ODF1: variants seen among roughly 807,000 people sequenced by gnomAD.
ODF1 encodes the protein outer dense fiber protein 1.
In ODF1, 10 loss-of-function variants were observed where a neutral mutation model predicts 24.0. The observed-to-expected ratio is 0.42, with a 90% confidence interval of 0.26 to 0.71. ODF1 has a LOEUF of 0.71. ODF1 is among the 30% of genes least tolerant of loss of function. The pLI is 0.28. For missense variants in ODF1, 282 were observed against 307.9 expected (o/e 0.92, Z 0.63); for synonymous variants, 118 against 121.3 (o/e 0.97, Z 0.18).
Position 102,560,971 on chromosome 8 carries a change from C to T in ODF1, c.*87C>T, listed in dbSNP as rs1826178328. 1 of 1,250,512 alleles carries T rather than the reference C, an allele frequency of 8.0e-7. No individual in the cohort carries two copies. Among genetic ancestry groups the T allele is most frequent in the Non-Finnish European group, 1.1e-6 (1 of 896,136 alleles). 77.5% of individuals were successfully genotyped at this position (1,250,512 alleles called of 1,614,324 possible). A position where few individuals can be genotyped will look rare whatever the true frequency, so the allele number is the denominator to read the frequency against. On this transcript the variant is annotated 3_prime_UTR_variant, in exon 2 of 2. Transcript: ENST00000285402. The stretch of plus-strand genomic sequence containing the variant: ...ATGTTTCTCCTCTCCTTCCCATGGC[C>T]CCTGTTGTTGAAGTACGTAGGAAAC...
chr8:102,553,822 G>A (rs1477082431), intron 1 of ODF1, among the ~76,000 whole-genome samples: 1 of 152,208 alleles, frequency 6.6e-6, no homozygotes, highest in African/African-American at 2.4e-5. Flanking sequence ...GTGTAGTTTA[G>A]GCAAGAGGTA....
chr8:102,560,725 C>G lies in ODF1; in HGVS notation c.594C>G (p.Ile198Met), dbSNP rs748960486. The G allele has an allele frequency of 6.2e-7, 1 of 1,614,098 alleles. No individual in the cohort carries two copies. Among genetic ancestry groups the G allele is most frequent in the Non-Finnish European group, 8.5e-7 (1 of 1,180,012 alleles). Residue 198 changes from isoleucine (I) to methionine (M), a missense_variant, in exon 2 of 2, where the codon ATC (isoleucine) becomes ATG (methionine). Ile to Met is a conservative substitution (Grantham distance 10). Transcript: ENST00000285402. Reference protein sequence around the residue: ...YSYGLGSCVKIESPCYPCTSP... With the variant: ...YSYGLGSCVKMESPCYPCTSP... Reference sequence around the variant, plus strand: ...ATGGGCTCGGCAGCTGTGTCAAGATCGAGTCTCCTTGCTACCCTTGCACTT... The same window carrying G: ...ATGGGCTCGGCAGCTGTGTCAAGATGGAGTCTCCTTGCTACCCTTGCACTT...
rs1826172377 is a variant in ODF1, at chr8:102,560,775, GCAGCCCC to G, written c.645_651del (p.Ser216AlafsTer31). ...TCTCCTTGCAGCCCCTGCAGCCCCT[GCAGCCCC>G]TGCAACCCCTGCAGCCCCTGCAACC... On this transcript the variant is annotated frameshift_variant, in exon 2 of 2. Coordinates refer to ENST00000285402, the MANE Select transcript of ODF1 (RefSeq NM_024410.4). LOFTEE classifies it high-confidence loss of function. The G allele has an allele frequency of 1.4e-6, 1 of 699,612 alleles. No homozygotes were observed. The highest frequency in any genetic ancestry group is 2.3e-5 in the African/African-American group (1 of 44,050). 43.3% of individuals were successfully genotyped at this position (699,612 alleles called of 1,614,324 possible). A position where few individuals can be genotyped will look rare whatever the true frequency, so the allele number is the denominator to read the frequency against.
chr8:102,551,966 T>C lies in ODF1; in HGVS notation c.239T>C (p.Leu80Pro). The C allele has an allele frequency of 1.9e-6, 3 of 1,614,148 alleles. No homozygotes were observed. Among genetic ancestry groups the C allele is most frequent in the Non-Finnish European group, 2.5e-6 (3 of 1,180,000 alleles). Residue 80 changes from leucine to proline, a missense_variant, in exon 1 of 2, where the codon CTT becomes CCT. Transcript: ENST00000285402. ...LYPCCLCDYKLYCLRPSLRSL... is the reference protein window; with the variant it reads ...LYPCCLCDYKPYCLRPSLRSL... ...CCATGTTGCCTGTGTGATTATAAGC[T>C]TTACTGTCTGCGACCATCTCTCAGA...
At chr8:102,556,022 A>T (rs868431970) in intron 1 of ODF1, among the ~76,000 whole-genome samples, 11 of 152,238 alleles carry the variant, frequency 7.2e-5, no homozygotes, top group Non-Finnish European at 1.3e-4. Flanking sequence ...AGATTAGGGC[A>T]AGTCCATGTA....
At chr8:102,555,900 G>C (rs1326858075) in intron 1 of ODF1, among the ~76,000 whole-genome samples, 1 of 152,106 alleles carries the variant, frequency 6.6e-6, no homozygotes, top group Non-Finnish European at 1.5e-5. Flanking sequence ...ATAGTTCTCA[G>C]AGCTCAGTCA....
rs763759836 is a variant in ODF1, at chr8:102,560,592, G to A, written c.461G>A (p.Arg154Gln). 87 of 1,614,080 alleles carry A rather than the reference G, an allele frequency of 5.4e-5. No homozygotes were observed. The highest frequency in any genetic ancestry group is 5.0e-5 in the Non-Finnish European group (59 of 1,180,038). ...KDGKVCVSAE[R>Q]ENRYDCLGSK... ...GGAAAGGTATGTGTGTCGGCTGAGCGGGAGAACAGGTACGACTGCCTTGGA... is the reference window on the plus strand; with the variant it reads ...GGAAAGGTATGTGTGTCGGCTGAGCAGGAGAACAGGTACGACTGCCTTGGA... The change falls in exon 2 of 2, where the codon CGG (arginine) becomes CAG (glutamine). Residue 154 changes from arginine (R) to glutamine (Q), a missense_variant. By Grantham distance (43) the Arg-to-Gln change is conservative. Transcript: ENST00000285402.
Position 102,551,675 on chromosome 8 carries a change from TCCCGGAGTGC to T in ODF1, c.-51_-42del. 6.8e-7 allele frequency: 1 copy of T among 1,471,970 alleles called. No homozygotes were observed. The highest frequency in any genetic ancestry group is 2.2e-5 in the Admixed American group (1 of 45,792). 91.2% of individuals were successfully genotyped at this position (1,471,970 alleles called of 1,614,324 possible). A position where few individuals can be genotyped will look rare whatever the true frequency, so the allele number is the denominator to read the frequency against. ...TGAGAAGGGCTTAGAACAAATTTTT[TCCCGGAGTGC>T]CATTTCCCAAAGGTACTCACAGAAC... is the stretch of plus-strand genomic sequence containing the variant. On this transcript the variant is annotated 5_prime_UTR_variant, in exon 1 of 2. Transcript: ENST00000285402.
rs1826178028 is a variant in ODF1, at chr8:102,560,950, T to C, written c.*66T>C. On this transcript the variant is annotated 3_prime_UTR_variant, in exon 2 of 2. Transcript: ENST00000285402. ...TCCAGCCAGGCAGCTCTCCCAATGT[T>C]TCTCCTCTCCTTCCCATGGCCCCTG... 2.8e-6 allele frequency: 4 copies of C among 1,411,972 alleles called. No individual in the cohort carries two copies. Among genetic ancestry groups the C allele is most frequent in the Non-Finnish European group, 3.9e-6 (4 of 1,033,550 alleles). The allele number at this position is 1,411,972 out of a possible 1,614,324, so 87.5% of individuals were successfully genotyped here. A position where few individuals can be genotyped will look rare whatever the true frequency, so the allele number is the denominator to read the frequency against.
At chr8:102,554,447 A>G (rs1826084871) in intron 1 of ODF1, among the ~76,000 whole-genome samples, 1 of 152,218 alleles carries the variant, frequency 6.6e-6, no homozygotes, top group Non-Finnish European at 1.5e-5. Context: ...AATATGAAGT[A>G]AAGACTCTAT....
Position 102,551,705 on chromosome 8 carries a change from C to A in ODF1, c.-23C>A. 2 of 1,539,994 alleles carry A rather than the reference C, an allele frequency of 1.3e-6. No homozygotes were observed. Among genetic ancestry groups the A allele is most frequent in the Non-Finnish European group, 1.8e-6 (2 of 1,137,394 alleles). ...GAGTGCCATTTCCCAAAGGTACTCACAGAACAATCAGGTGTGACCATAATG... is the reference window on the plus strand; with the variant it reads ...GAGTGCCATTTCCCAAAGGTACTCAAAGAACAATCAGGTGTGACCATAATG... On this transcript the variant is annotated 5_prime_UTR_variant, in exon 1 of 2. Transcript: ENST00000285402.
At chr8:102,557,199 C>T (rs1826122720) in intron 1 of ODF1, among the ~76,000 whole-genome samples, 1 of 152,112 alleles carries the variant, frequency 6.6e-6, no homozygotes, top group Non-Finnish European at 1.5e-5. Context: ...AAGCTTCGCC[C>T]CCATGATAAC....
Sources: gnomAD v4.1 joint callset for allele counts (sites outside exome capture counted in the v4.1 genomes callset) on GRCh38, gnomAD v4.1.1 for gene constraint, MANE v1.5 for transcripts, NCBI Gene and HGNC (gene_info 2026-07-23, HGNC 2026-07-21) for gene names.